The following XKR4 variants were observed in gnomAD, a reference collection of about 807,000 sequenced individuals.
XKR4 encodes XK-related protein 4.
A neutral mutation model predicts 53.9 loss-of-function variants in XKR4; 12 were observed. The ratio of observed to expected loss-of-function variants is 0.22; its 90% CI spans 0.14 to 0.36. The LOEUF (loss-of-function observed/expected upper bound fraction) is 0.36. Among genes scored for constraint, XKR4 ranks in the 10% least tolerant of loss-of-function variants. The pLI, the probability that XKR4 is intolerant of heterozygous loss-of-function variation, is 1.00. For missense variants in XKR4, 799 were observed against 859.5 expected (o/e 0.93, Z 0.88); for synonymous variants, 354 against 362.4 (o/e 0.98, Z 0.26).
intron 1 of XKR4, among the ~76,000 whole-genome samples, chr8:55,300,376 T>C (rs974930258): frequency 5.3e-5 from 8 of 152,046 alleles, no homozygotes; most frequent in African/African-American, 1.9e-4. Context: ...GAAATGGGAA[T>C]GTTTGCGGCT....
At chr8:55,449,074 A>G (rs952184334) in intron 2 of XKR4, among the ~76,000 whole-genome samples, 3 of 137,502 alleles carry the variant, frequency 2.2e-5, no homozygotes, top group African/African-American at 7.6e-5. Context: ...AGATTAGCAA[A>G]TCCTCTCAGG....
intron 1 of XKR4, among the ~76,000 whole-genome samples, chr8:55,152,005 A>G (rs1197694090): frequency 1.6e-4 from 25 of 152,306 alleles, no homozygotes. Flanking sequence ...CTGGGTGACA[A>G]TATGAGGATT....
intron 2 of XKR4, among the ~76,000 whole-genome samples, chr8:55,404,787 C>G (rs2129390374): frequency 6.6e-6 from 1 of 152,260 alleles, no homozygotes; most frequent in South Asian, 2.1e-4. Context: ...AAATAGATAT[C>G]TAGGGGCCAG....
At chr8:55,479,216 A>C (rs1169070642) in intron 2 of XKR4, among the ~76,000 whole-genome samples, 1 of 152,138 alleles carries the variant, frequency 6.6e-6, no homozygotes, top group Non-Finnish European at 1.5e-5. Context: ...ACCACAGTGC[A>C]ATCAAACTAG....
intron 2 of XKR4, among the ~76,000 whole-genome samples, chr8:55,408,681 G>A (rs1018345194): frequency 1.3e-5 from 2 of 152,166 alleles, no homozygotes; most frequent in Non-Finnish European, 2.9e-5. Flanking sequence ...CAAGCTTGTA[G>A]GCTATTGGAA....
At chr8:55,166,083 A>T (rs1027328317) in intron 1 of XKR4, among the ~76,000 whole-genome samples, 2 of 152,156 alleles carry the variant, frequency 1.3e-5, no homozygotes, top group African/African-American at 4.8e-5. Context: ...AGGCCTGTGG[A>T]TCTGGCTGCC....
rs115492085 is a variant in XKR4, at chr8:55,452,984, G to A, written c.1007-70297G>A. The A allele has an allele frequency of 1.2e-3, 831 of 703,080 alleles. 4 individuals carry two copies. The African/African-American group carries it at 0.013, about 11-fold the overall frequency. The allele number at this position is 703,080 out of a possible 1,614,324, so 43.6% of individuals were successfully genotyped here. A position where few individuals can be genotyped will look rare whatever the true frequency, so the allele number is the denominator to read the frequency against. Reference sequence around the variant, plus strand: ...TCTCACCGCTCAGGGATGGCCACAGGCACCACTGCTCAGAAGCCACTTCTA... The same window carrying A: ...TCTCACCGCTCAGGGATGGCCACAGACACCACTGCTCAGAAGCCACTTCTA... On this transcript the variant is annotated intron_variant, in intron 2 of 2. Transcript: ENST00000327381.
At chr8:55,108,638 C>A (rs965186931) in intron 1 of XKR4, among the ~76,000 whole-genome samples, 2 of 152,038 alleles carry the variant, frequency 1.3e-5, no homozygotes, top group African/African-American at 2.4e-5. Flanking sequence ...GCAAAACTTT[C>A]TTTGGTGTTA....
intron 1 of XKR4, among the ~76,000 whole-genome samples, chr8:55,347,870 CT>C (rs1367961551): frequency 6.6e-6 from 1 of 152,226 alleles, no homozygotes; most frequent in Non-Finnish European, 1.5e-5. Context: ...TGACTTCTCT[CT>C]GCCATCTGTA....
intron 1 of XKR4, among the ~76,000 whole-genome samples, chr8:55,284,049 T>G (rs1818874312): frequency 6.6e-6 from 1 of 152,240 alleles, no homozygotes; most frequent in Non-Finnish European, 1.5e-5. Flanking sequence ...ATGCCTTCTC[T>G]TCTCCTCTTT....
chr8:55,142,096 GAGTCTTA>G (rs1563466990), intron 1 of XKR4: 1 of 456,076 alleles, frequency 2.2e-6, no homozygotes, highest in South Asian at 1.5e-5. Context: ...GGCTGCTGGG[GAGTCTTA>G]ACTATTCTCT....
rs1034872555 is a variant in XKR4, at chr8:55,182,356, G to T, written c.806+79062G>T. The stretch of plus-strand genomic sequence containing the variant: ...TACACTTTGGTGCATTTCTTTTATG[G>T]ATCACACTTGGTGCATTTGCAAAAA... On this transcript the variant is annotated intron_variant, in intron 1 of 2. Coordinates refer to ENST00000327381, the MANE Select transcript of XKR4 (RefSeq NM_052898.2). Among the ~76,000 whole-genome samples the T allele has an allele frequency of 1.3e-4, 19 of 151,908 alleles. No homozygotes were observed. The East Asian group carries it at 3.7e-3, about 29-fold the overall frequency.
At chr8:55,297,225 T>A (rs1819113227) in intron 1 of XKR4, among the ~76,000 whole-genome samples, 1 of 152,080 alleles carries the variant, frequency 6.6e-6, no homozygotes, top group Non-Finnish European at 1.5e-5. Flanking sequence ...GGGAGCACAT[T>A]TAAAAGAGGC....
At chr8:55,129,498 C>T (rs1180072721) in intron 1 of XKR4, among the ~76,000 whole-genome samples, 2 of 96,120 alleles carry the variant, frequency 2.1e-5, no homozygotes, top group Non-Finnish European at 4.7e-5. Context: ...TAGATCTTAA[C>T]TCCTTGACTG....
chr8:55,363,182 C>T (rs1216327686), intron 2 of XKR4, among the ~76,000 whole-genome samples: 3 of 152,174 alleles, frequency 2.0e-5, no homozygotes, highest in Non-Finnish European at 2.9e-5. Context: ...ATCCTACACC[C>T]TAAGTGTATT....
In XKR4 at chr8:55,533,677, T is replaced by A. The variant is rs1806987383; in HGVS notation, c.*9450T>A. The A allele has an allele frequency of 6.6e-6, 1 of 152,244 alleles. No homozygotes were observed. Among genetic ancestry groups the A allele is most frequent in the Non-Finnish European group, 1.5e-5 (1 of 68,048 alleles). 9.4% of individuals were successfully genotyped at this position (152,244 alleles called of 1,614,324 possible). A position where few individuals can be genotyped will look rare whatever the true frequency, so the allele number is the denominator to read the frequency against. ...GAAACATCTTGGAGCTTGTCAAGCT[T>A]TACTGGAGGTGATTTGCAGTTAATT... On this transcript the variant is annotated 3_prime_UTR_variant, in exon 3 of 3. Transcript: ENST00000327381.
intron 1 of XKR4, among the ~76,000 whole-genome samples, chr8:55,109,479 G>A (rs1280970597): frequency 6.6e-6 from 1 of 152,170 alleles, no homozygotes; most frequent in Non-Finnish European, 1.5e-5. Context: ...CCACCCCTGA[G>A]TGCTGGCTTT....
At chr8:55,230,363 C>CTTTTTTTTT (rs5891564) in intron 1 of XKR4, among the ~76,000 whole-genome samples, 1 of 138,382 alleles carries the variant, frequency 7.2e-6, no homozygotes, top group Admixed American at 7.2e-5. Context: ...GAAAGAGACA[C>CTTTTTTTTT]TTTTTTTTTT....
At chr8:55,289,591 G>GAAAGAAAGAAAGAA (rs751030167) in intron 1 of XKR4, among the ~76,000 whole-genome samples, 2 of 67,380 alleles carry the variant, frequency 3.0e-5, no homozygotes, top group African/African-American at 1.2e-4. Flanking sequence ...AAGAAAGAAA[G>GAAAGAAAGAAAGAA]AGAAAGAAAG....
Sources: allele counts gnomAD v4.1 joint callset (sites outside exome capture counted in the v4.1 genomes callset), GRCh38; gene constraint gnomAD v4.1.1; transcripts MANE v1.5; gene names NCBI Gene and HGNC (gene_info 2026-07-23, HGNC 2026-07-21).